CFLAR: variants seen among roughly 807,000 people sequenced by gnomAD.
CFLAR encodes the protein CASP8 and FADD-like apoptosis regulator.
Under a neutral mutation model 51.1 loss-of-function variants are expected in CFLAR, and 14 were observed. That is an observed-to-expected ratio of 0.27 (90% CI 0.18 to 0.43). CFLAR has a LOEUF of 0.43. CFLAR is among the 20% of genes least tolerant of loss of function. CFLAR has a pLI of 1.00. For missense variants in CFLAR, 390 were observed against 566.5 expected, an observed-to-expected ratio of 0.69 and a Z score of 3.16; for synonymous variants, 210 against 211.6, an observed-to-expected ratio of 0.99 and a Z score of 0.06.
rs1349859214 is a variant in CFLAR at position 201,116,459 on chromosome 2, G to A, written c.-160G>A. 2 of 152,342 alleles carry A rather than the reference G, an allele frequency of 1.3e-5. No individual in the cohort carries two copies. Among genetic ancestry groups the A allele is most frequent in the African/African-American group, 4.8e-5 (2 of 41,472 alleles). The allele number at this position is 152,342 out of a possible 1,614,324, so 9.4% of individuals were successfully genotyped here. On this transcript the variant is annotated 5_prime_UTR_variant, in exon 1 of 10. Transcript: ENST00000309955. The surrounding 1 kb of genome is among the most constrained non-coding windows in gnomAD (Gnocchi z 4.8). ...GCGAAGGCTGAGGTGGCAGCGGCAG[G>A]AGAGTCCGGCCGCGACAGGACGGTA...
At chr2:201,132,429 A>T (rs992745146) in intron 2 of CFLAR, among the ~76,000 whole-genome samples, 1 of 132,046 alleles carries the variant, frequency 7.6e-6, no homozygotes, top group Non-Finnish European at 1.6e-5. Context: ...AGGGGGGGAA[A>T]AATATATATA....
At chr2:201,160,378 T>C in intron 8 of CFLAR, 54 bp from the exon 9 acceptor site, 1 of 1,561,038 alleles carries the variant, frequency 6.4e-7, no homozygotes, top group Non-Finnish European at 8.7e-7. Context: ...CCAGTCCTCT[T>C]GAGCTCTCCT....
At chr2:201,121,970 C>G (rs961185109) in intron 1 of CFLAR, among the ~76,000 whole-genome samples, 1 of 152,194 alleles carries the variant, frequency 6.6e-6, no homozygotes, top group Non-Finnish European at 1.5e-5. Flanking sequence ...TCCAGTTCCT[C>G]TAAAGGTGAC....
intron 9 of CFLAR, chr2:201,162,693 C>A: frequency 4.2e-6 from 1 of 238,460 alleles, no homozygotes. Context: ...CGATGAGGCA[C>A]ACAGGGAGAG....
chr2:201,126,066 G>A (rs780169817), intron 1 of CFLAR, among the ~76,000 whole-genome samples: 6 of 152,196 alleles, frequency 3.9e-5, no homozygotes, highest in East Asian at 1.9e-4. Context: ...TAGAGAAAAC[G>A]CCACACTTTG....
At chr2:201,129,018 A>G (rs1384726197) in intron 1 of CFLAR, among the ~76,000 whole-genome samples, 1 of 152,202 alleles carries the variant, frequency 6.6e-6, no homozygotes, top group Non-Finnish European at 1.5e-5. Context: ...GCCATGTAGC[A>G]GTGCATTGAG....
Position 201,118,523 on chromosome 2 carries a change from C to G in CFLAR, c.-138+2042C>G, listed in dbSNP as rs1367576343. ...TCCTGGTGGGGTCGCACGTAACGGT[C>G]CTGAGCTATGCATAAGCCGTTTGAC... On this transcript the variant is annotated intron_variant, in intron 1 of 9. Coordinates refer to ENST00000309955, the MANE Select transcript of CFLAR (RefSeq NM_003879.7). This position sits in a 1 kb window ranked among gnomAD's most constrained non-coding sequence, Gnocchi z 5.1. The G allele has an allele frequency of 6.6e-6, 1 of 152,284 alleles. No homozygotes were observed. Among genetic ancestry groups the G allele is most frequent in the Non-Finnish European group, 1.5e-5 (1 of 68,106 alleles). The allele number at this position is 152,284 out of a possible 1,614,324, so 9.4% of individuals were successfully genotyped here.
chr2:201,135,967 C>G lies in CFLAR; in HGVS notation c.388-5C>G, dbSNP rs1344272439. 6.2e-7 allele frequency: 1 copy of G among 1,604,482 alleles called. No individual in the cohort carries two copies. The highest frequency in any genetic ancestry group is 8.5e-7 in the Non-Finnish European group (1 of 1,177,006). Reference sequence around the variant, plus strand: ...ACATTTGTTTTTTGTTGGTGGTTCTCTTAGAGTTTCTTGGACCTTGTGGTT... The same window carrying G: ...ACATTTGTTTTTTGTTGGTGGTTCTGTTAGAGTTTCTTGGACCTTGTGGTT... On this transcript the variant is annotated splice_region_variant and splice_polypyrimidine_tract_variant and intron_variant, in intron 3 of 9. Transcript: ENST00000309955.
In CFLAR at chr2:201,138,151, C is replaced by T; in HGVS notation, c.523+2044C>T. 1.2e-6 allele frequency: 1 copy of T among 858,840 alleles called. No individual in the cohort carries two copies. The highest frequency in any genetic ancestry group is 2.0e-6 in the Non-Finnish European group (1 of 496,460). 53.2% of individuals were successfully genotyped at this position (858,840 alleles called of 1,614,324 possible). On this transcript the variant is annotated intron_variant, in intron 4 of 9. Transcript: ENST00000309955. The surrounding 1 kb of genome is among the most constrained non-coding windows in gnomAD (Gnocchi z 4.0). Reference sequence around the variant, plus strand: ...GGTTGTTGGCCTGGGCTGCTGTCACCACGTTCCCCCCAATCACCTGGAGGT... The same window carrying T: ...GGTTGTTGGCCTGGGCTGCTGTCACTACGTTCCCCCCAATCACCTGGAGGT...
At chr2:201,155,105 G>A (rs987788253) in intron 8 of CFLAR, among the ~76,000 whole-genome samples, 3 of 152,182 alleles carry the variant, frequency 2.0e-5, no homozygotes, top group African/African-American at 7.2e-5. Flanking sequence ...CTAGGCCCTG[G>A]TGGGTCATCT....
chr2:201,150,088 C>A, intron 8 of CFLAR: 1 of 238,176 alleles, frequency 4.2e-6, no homozygotes, highest in Middle Eastern at 1.3e-3. Context: ...GTAATCCCAG[C>A]ACTTTGGGAG....
rs565459242 is a variant in CFLAR at position 201,151,973 on chromosome 2, A to AT, written c.793+2146dup. ...CTTGGGCAATGTCCCTGGCCTCTTT[A>AT]TTTTTTTTAATGTTTTTTTTTTTCT... On this transcript the variant is annotated intron_variant, in intron 8 of 9. Transcript: ENST00000309955. Among the ~76,000 whole-genome samples the AT allele has an allele frequency of 1.1e-4, 17 of 148,772 alleles. No homozygotes were observed. The South Asian group carries it at 1.3e-3, about 11-fold the overall frequency.
intron 8 of CFLAR, among the ~76,000 whole-genome samples, chr2:201,151,601 A>G (rs929894414): frequency 1.3e-5 from 2 of 151,942 alleles, no homozygotes; most frequent in Non-Finnish European, 2.9e-5. Context: ...ATGAGAAAAT[A>G]TTTTCTTAAT....
intron 8 of CFLAR, among the ~76,000 whole-genome samples, chr2:201,160,131 A>C (rs1942829136): frequency 6.6e-6 from 1 of 152,136 alleles, no homozygotes; most frequent in Admixed American, 6.5e-5. Context: ...GAAGAAAAAA[A>C]GGTTTTGTCC....
At chr2:201,117,479 A>G (rs2047721891) in intron 1 of CFLAR, among the ~76,000 whole-genome samples, 1 of 152,176 alleles carries the variant, frequency 6.6e-6, no homozygotes, top group African/African-American at 2.4e-5. Flanking sequence ...GGTCTTGCGA[A>G]TATTTTAATT....
chr2:201,149,951 T>A, intron 8 of CFLAR, 116 bp downstream of exon 8: 1 of 772,158 alleles, frequency 1.3e-6, no homozygotes, highest in Non-Finnish European at 2.2e-6. Flanking sequence ...TTCAAGAATC[T>A]GTGCTTCATC....
intron 5 of CFLAR, among the ~76,000 whole-genome samples, chr2:201,145,131 G>A (rs1201955632): frequency 6.6e-6 from 1 of 152,190 alleles, no homozygotes; most frequent in Admixed American, 6.5e-5. Flanking sequence ...GGGATTACAG[G>A]TGTCAGCCAT....
intron 1 of CFLAR, among the ~76,000 whole-genome samples, chr2:201,117,815 G>A (rs2047764895): frequency 6.7e-6 from 1 of 148,840 alleles, no homozygotes; most frequent in South Asian, 2.1e-4. Context: ...GAATGCAATG[G>A]CACTATCTCT....
Position 201,164,907 on chromosome 2 carries a change from CTT to C in CFLAR, c.*937_*938del, listed in dbSNP as rs760597437. ...CTTCCAGATCTTACCAGATGTCAGT[CTT>C]TTGATGTTCTCACATGGCAGAAAAA... On this transcript the variant is annotated 3_prime_UTR_variant, in exon 10 of 10. Coordinates refer to ENST00000309955, the MANE Select transcript of CFLAR (RefSeq NM_003879.7). 1 of 152,138 alleles carries C rather than the reference CTT, an allele frequency of 6.6e-6. No homozygotes were observed. The highest frequency in any genetic ancestry group is 1.5e-5 in the Non-Finnish European group (1 of 68,052). 9.4% of individuals were successfully genotyped at this position (152,138 alleles called of 1,614,324 possible). A position where few individuals can be genotyped will look rare whatever the true frequency, so the allele number is the denominator to read the frequency against.
Sources: allele counts gnomAD v4.1 joint callset (sites outside exome capture counted in the v4.1 genomes callset), GRCh38; gene constraint gnomAD v4.1.1; non-coding constraint Gnocchi (gnomAD v3.1); transcripts MANE v1.5; gene names NCBI Gene and HGNC (gene_info 2026-07-23, HGNC 2026-07-21).